Variants in BDKRB2 observed in about 807,000 individuals in gnomAD.
The protein encoded by BDKRB2 is B2 bradykinin receptor.
Under a neutral mutation model 4.0 loss-of-function variants are expected in BDKRB2, and 6 were observed. The observed-to-expected ratio is 1.49, with a 90% CI of 0.81 to 2.93. The LOEUF is 2.93. Ranked by LOEUF, BDKRB2 falls within the 30% of genes most tolerant of loss-of-function variation. The pLI, the probability that BDKRB2 is intolerant of heterozygous loss-of-function variation, is 0.00. For synonymous variants in BDKRB2, 225 were observed against 215.3 expected (o/e 1.05, Z -0.40); for missense variants, 478 against 520.1 (o/e 0.92, Z 0.79).
intron 1 of BDKRB2, among the ~76,000 whole-genome samples, chr14:96,220,006 G>C (rs989910922): frequency 1.3e-5 from 2 of 151,992 alleles, no homozygotes; most frequent in South Asian, 2.1e-4. Context: ...ACTTGAAACT[G>C]GTCACTGCGA....
intron 1 of BDKRB2, among the ~76,000 whole-genome samples, chr14:96,220,141 C>A (rs533262948): frequency 1.9e-4 from 29 of 152,162 alleles, no homozygotes; most frequent in Middle Eastern, 3.4e-3. Context: ...GGGAAGCGCA[C>A]CCTTGTCCAG....
intron 1 of BDKRB2, among the ~76,000 whole-genome samples, chr14:96,212,625 G>A (rs1237553195): frequency 6.6e-6 from 1 of 152,114 alleles, no homozygotes; most frequent in Non-Finnish European, 1.5e-5. Context: ...AGAGATCAGT[G>A]GGTGGCGGCT....
intron 1 of BDKRB2, among the ~76,000 whole-genome samples, chr14:96,236,845 C>T (rs11623540): frequency 0.031 from 4,751 of 152,276 alleles, 144 homozygotes; most frequent in East Asian, 0.13. Flanking sequence ...TCACTGTACT[C>T]AGGTCAGTTT....
intron 1 of BDKRB2, among the ~76,000 whole-genome samples, chr14:96,211,440 G>T (rs1243621638): frequency 6.6e-6 from 1 of 152,236 alleles, no homozygotes; most frequent in Non-Finnish European, 1.5e-5. Context: ...GATCCAGAAA[G>T]CAATGGCTAG....
chr14:96,214,225 G>A (rs1595248514), intron 1 of BDKRB2, among the ~76,000 whole-genome samples: 1 of 152,228 alleles, frequency 6.6e-6, no homozygotes, highest in Admixed American at 6.5e-5. Flanking sequence ...TTCCCTGCAA[G>A]TGGTCTGGGC....
intron 1 of BDKRB2, among the ~76,000 whole-genome samples, chr14:96,226,048 C>G (rs991467034): frequency 1.3e-5 from 2 of 152,222 alleles, no homozygotes; most frequent in African/African-American, 4.8e-5. Context: ...TTAGGAATTG[C>G]TTTTCTGGGA....
At chr14:96,215,526 A>G (rs1484519642) in intron 1 of BDKRB2, among the ~76,000 whole-genome samples, 1 of 151,948 alleles carries the variant, frequency 6.6e-6, no homozygotes, top group Non-Finnish European at 1.5e-5. Context: ...GAATTATCCA[A>G]ATATTAAATG....
chr14:96,238,236 C>T (rs887806948), intron 2 of BDKRB2: 22 of 512,370 alleles, frequency 4.3e-5, no homozygotes, highest in Middle Eastern at 2.0e-3. Flanking sequence ...AAGTTGGTTC[C>T]CCCCATGTGG....
Position 96,229,009 on chromosome 14 carries a change from C to T in BDKRB2, c.-39-8060C>T, listed in dbSNP as rs376862236. Among the ~76,000 whole-genome samples the T allele has an allele frequency of 4.0e-4, 61 of 152,316 alleles. No individual in the cohort carries two copies. The South Asian group carries it at 7.5e-3, about 19-fold the overall frequency. ...TCAGCCACTCAGTGCAGTGTTGAGGCTGGAACAGGTGGGGCACACTGTGAG... is the reference window on the plus strand; with the variant it reads ...TCAGCCACTCAGTGCAGTGTTGAGGTTGGAACAGGTGGGGCACACTGTGAG... On this transcript the variant is annotated intron_variant, in intron 1 of 2. Coordinates refer to ENST00000554311, the MANE Select transcript of BDKRB2 (RefSeq NM_001379692.1).
intron 1 of BDKRB2, among the ~76,000 whole-genome samples, chr14:96,212,307 A>C (rs1890320680): frequency 6.6e-6 from 1 of 152,244 alleles, no homozygotes; most frequent in South Asian, 2.1e-4. Flanking sequence ...AACTATAAGA[A>C]CACTGCTTAC....
At chr14:96,239,311 A>T (rs1201670895) in intron 2 of BDKRB2, 1 of 974,412 alleles carries the variant, frequency 1.0e-6, no homozygotes, top group Non-Finnish European at 1.2e-6. Flanking sequence ...TGAGAGCAAT[A>T]CCCTACTCCA....
chr14:96,209,453 C>T (rs1259644645), intron 1 of BDKRB2, among the ~76,000 whole-genome samples: 1 of 152,114 alleles, frequency 6.6e-6, no homozygotes, highest in Non-Finnish European at 1.5e-5. Context: ...CACGAAATCA[C>T]AGGAAACATC....
At chr14:96,211,608 G>C (rs917547915) in intron 1 of BDKRB2, among the ~76,000 whole-genome samples, 1 of 152,160 alleles carries the variant, frequency 6.6e-6, no homozygotes, top group Admixed American at 6.5e-5. Context: ...ATGAACTGTA[G>C]CACATTGGGG....
In BDKRB2 at chr14:96,241,872, A is replaced by C; in HGVS notation, c.*368A>C. 1 of 188,094 alleles carries C rather than the reference A, an allele frequency of 5.3e-6. No individual in the cohort carries two copies. The highest frequency in any genetic ancestry group is 1.1e-5 in the Non-Finnish European group (1 of 91,240). 11.7% of individuals were successfully genotyped at this position (188,094 alleles called of 1,614,324 possible). On this transcript the variant is annotated 3_prime_UTR_variant, in exon 3 of 3. Transcript: ENST00000554311. Reference sequence around the variant, plus strand: ...TCCCTGCCCCAGCAAGACAACTTAGATCTCCAGGAGAACTGCCATCCAGCT... The same window carrying C: ...TCCCTGCCCCAGCAAGACAACTTAGCTCTCCAGGAGAACTGCCATCCAGCT...
chr14:96,211,146 C>G (rs1026954087), intron 1 of BDKRB2: 2 of 152,270 alleles, frequency 1.3e-5, no homozygotes, highest in Non-Finnish European at 2.9e-5. Context: ...TCAGGCTGTG[C>G]CCCGCCATCC....
At position 96,241,038 on chromosome 14, in the gene BDKRB2, T is replaced by C; in HGVS notation, c.710T>C (p.Leu237Pro). Reference protein sequence around the residue: ...LLNVVGFLLPLSVITFCTMQI... With the variant: ...LLNVVGFLLPPSVITFCTMQI... ...AATGTCGTGGGCTTCCTGCTGCCCC[T>C]GAGTGTCATCACCTTCTGCACGATG... Residue 237 changes from leucine to proline, a missense_variant, in exon 3 of 3, where the codon CTG (leucine) becomes CCG (proline). Transcript: ENST00000554311. 1.2e-6 allele frequency: 2 copies of C among 1,610,330 alleles called. No individual in the cohort carries two copies. The highest frequency in any genetic ancestry group is 8.5e-7 in the Non-Finnish European group (1 of 1,176,884).
chr14:96,233,057 C>T (rs1168941570), intron 1 of BDKRB2, among the ~76,000 whole-genome samples: 1 of 151,828 alleles, frequency 6.6e-6, no homozygotes, highest in East Asian at 1.9e-4. Context: ...GACAGAGTCT[C>T]GCTCTATAGC....
intron 1 of BDKRB2, among the ~76,000 whole-genome samples, chr14:96,211,651 A>G (rs1464072173): frequency 1.3e-5 from 2 of 151,968 alleles, no homozygotes; most frequent in Non-Finnish European, 1.5e-5. Flanking sequence ...TCCTCTCTCC[A>G]CCCACTTCCC....
intron 1 of BDKRB2, among the ~76,000 whole-genome samples, chr14:96,221,800 G>C (rs1402445959): frequency 6.6e-6 from 1 of 152,084 alleles, no homozygotes; most frequent in African/African-American, 2.4e-5. Context: ...CTGGAGAGGA[G>C]AGAGAGGAAG....
Sources: gnomAD v4.1 joint callset for allele counts (sites outside exome capture counted in the v4.1 genomes callset) on GRCh38, gnomAD v4.1.1 for gene constraint, MANE v1.5 for transcripts, NCBI Gene and HGNC (gene_info 2026-07-23, HGNC 2026-07-21) for gene names.